The following PCNX2 variants were observed in gnomAD, a reference collection of about 807,000 sequenced individuals.
The protein encoded by PCNX2 is pecanex-like protein 2.
PCNX2 carries 168 observed loss-of-function variants against 223.8 expected under a neutral mutation model. The observed-to-expected ratio is 0.75, with a 90% CI of 0.66 to 0.85. The LOEUF is 0.85. Ranked by LOEUF, PCNX2 falls within the 40% of genes least tolerant of loss-of-function variation. PCNX2 has a pLI of 0.00. For missense variants in PCNX2, 2,507 were observed against 2,675.5 expected (o/e 0.94, Z 1.39); for synonymous variants, 1,006 against 1,052.6 (o/e 0.96, Z 0.86).
chr1:233,278,593 A>G (rs1427893879), intron 1 of PCNX2, among the ~76,000 whole-genome samples: 2 of 152,134 alleles, frequency 1.3e-5, no homozygotes, highest in African/African-American at 4.8e-5. Context: ...AGGGGAGTGG[A>G]GATTTCTAGA....
chr1:233,056,622 G>C (rs139894538), intron 24 of PCNX2, among the ~76,000 whole-genome samples: 29 of 152,262 alleles, frequency 1.9e-4, no homozygotes, highest in African/African-American at 6.0e-4. Context: ...TTCAAATATA[G>C]ATAATGAGCA....
rs116817615 is a variant in PCNX2 at position 233,190,585 on chromosome 1, C to T, written c.3066+8354G>A. Among the ~76,000 whole-genome samples, 1,435 of 152,244 alleles carry T rather than the reference C, an allele frequency of 9.4e-3. 23 individuals are homozygous for T. The highest frequency in any genetic ancestry group is 0.032 in the African/African-American group (1,334 of 41,544). The stretch of plus-strand genomic sequence containing the variant: ...TTACTACAGACTATAGTATTTATTG[C>T]AAATGATCGTTGTTCTATGCTGAGA... On this transcript the variant is annotated intron_variant, in intron 15 of 33. Coordinates refer to ENST00000258229, the MANE Select transcript of PCNX2 (RefSeq NM_014801.4).
chr1:233,182,417 TCACCCTTCAGTATCCA>T (rs1679854013), intron 15 of PCNX2, among the ~76,000 whole-genome samples: 1 of 152,152 alleles, frequency 6.6e-6, no homozygotes, highest in South Asian at 2.1e-4. Flanking sequence ...TAATGGGGAC[TCACCCTTCAGTATCCA>T]CACCCTACCC....
chr1:233,279,348 G>A lies in PCNX2; in HGVS notation c.153+15978C>T, dbSNP rs148063569. Among the ~76,000 whole-genome samples the A allele has an allele frequency of 4.5e-3, 676 of 151,858 alleles. 4 individuals are homozygous for A. The highest frequency in any genetic ancestry group is 0.016 in the African/African-American group (650 of 41,400). On this transcript the variant is annotated intron_variant, in intron 1 of 33. Transcript: ENST00000258229. ...ATCCACCTCAGCCTCCCAAGTAGCC[G>A]GGATTACAGGCATGTGCCACCATAC...
intron 28 of PCNX2, among the ~76,000 whole-genome samples, chr1:233,012,215 T>C (rs893650651): frequency 6.6e-6 from 1 of 152,210 alleles, no homozygotes; most frequent in Non-Finnish European, 1.5e-5. Context: ...AAATTTGAGC[T>C]CTGTAGACTA....
chr1:233,316,998 A>T, the PCNX2 span, among the ~76,000 whole-genome samples: 1 of 152,232 alleles, frequency 6.6e-6, no homozygotes, highest in Non-Finnish European at 1.5e-5. Context: ...GTTCACAAAA[A>T]TAGGTATCAA....
chr1:233,260,418 G>C (rs1659984439), intron 4 of PCNX2, among the ~76,000 whole-genome samples: 1 of 152,118 alleles, frequency 6.6e-6, no homozygotes. Context: ...TGAAGAAAAA[G>C]GTATGTGCTT....
chr1:233,176,259 C>T (rs1679468131), intron 17 of PCNX2, among the ~76,000 whole-genome samples: 1 of 152,282 alleles, frequency 6.6e-6, no homozygotes. Context: ...GCTAAAAGAA[C>T]TTTTGAAGCT....
intron 17 of PCNX2, among the ~76,000 whole-genome samples, chr1:233,162,176 G>A (rs963223452): frequency 6.6e-6 from 1 of 152,120 alleles, no homozygotes; most frequent in Non-Finnish European, 1.5e-5. Context: ...AATGCAGATA[G>A]ATGGAGAATG....
At chr1:233,032,355 G>A (rs528085480) in intron 25 of PCNX2, among the ~76,000 whole-genome samples, 7 of 152,120 alleles carry the variant, frequency 4.6e-5, no homozygotes, top group African/African-American at 1.2e-4. Context: ...CACCCACCTC[G>A]GCCTCCCAAA....
intron 23 of PCNX2, chr1:233,058,247 C>G (rs770134941): frequency 9.1e-5 from 15 of 164,300 alleles, no homozygotes; most frequent in Non-Finnish European, 1.4e-4. Flanking sequence ...TTCAAGTAAC[C>G]ACCTATACAG....
chr1:233,137,137 C>T (rs1328321623), intron 20 of PCNX2, among the ~76,000 whole-genome samples: 1 of 152,194 alleles, frequency 6.6e-6, no homozygotes, highest in East Asian at 1.9e-4. Context: ...GATGGGAAAA[C>T]AAAATGGATT....
chr1:233,124,131 T>C (rs1448097726), intron 21 of PCNX2, among the ~76,000 whole-genome samples: 1 of 152,234 alleles, frequency 6.6e-6, no homozygotes, highest in Non-Finnish European at 1.5e-5. Flanking sequence ...TATTTCTTTA[T>C]CATCTATACT....
At chr1:233,191,151 TAC>T (rs1680398761) in intron 15 of PCNX2, among the ~76,000 whole-genome samples, 1 of 152,218 alleles carries the variant, frequency 6.6e-6, no homozygotes, top group Non-Finnish European at 1.5e-5. Flanking sequence ...GAATGCACAT[TAC>T]TTTTGAGAGT....
chr1:233,022,404 A>G (rs1365705917), intron 26 of PCNX2, among the ~76,000 whole-genome samples: 1 of 152,172 alleles, frequency 6.6e-6, no homozygotes, highest in Non-Finnish European at 1.5e-5. Context: ...AAGTTTGCAG[A>G]GCAAGGGGAG....
At chr1:233,247,648 G>C (rs1659201369) in intron 8 of PCNX2, among the ~76,000 whole-genome samples, 1 of 152,014 alleles carries the variant, frequency 6.6e-6, no homozygotes, top group African/African-American at 2.4e-5. Flanking sequence ...GGAGGCCAAG[G>C]CTGGCGGATC....
chr1:232,998,610 A>G (rs1335074461), intron 31 of PCNX2, among the ~76,000 whole-genome samples, 172 bp from the exon 32 acceptor site: 3 of 152,206 alleles, frequency 2.0e-5, no homozygotes, highest in Non-Finnish European at 4.4e-5. Flanking sequence ...TCAGCATCTA[A>G]TAAATGAACA....
chr1:233,264,940 T>C (rs150929985), intron 1 of PCNX2, among the ~76,000 whole-genome samples: 131 of 152,276 alleles, frequency 8.6e-4, no homozygotes, highest in Non-Finnish European at 1.6e-3. Flanking sequence ...ATTATTGTTA[T>C]ATAAAAATGA....
At chr1:233,233,861 A>G (rs907925405) in intron 9 of PCNX2, among the ~76,000 whole-genome samples, 4 of 151,896 alleles carry the variant, frequency 2.6e-5, no homozygotes, top group Admixed American at 2.6e-4. Context: ...ACCTGCTTTC[A>G]GCCTCACCTC....
Sources: gnomAD v4.1 joint callset for allele counts (sites outside exome capture counted in the v4.1 genomes callset) on GRCh38, gnomAD v4.1.1 for gene constraint, MANE v1.5 for transcripts, NCBI Gene and HGNC (gene_info 2026-07-23, HGNC 2026-07-21) for gene names.